Variants in IL23R observed in about 807,000 individuals in gnomAD.
The protein encoded by IL23R is interleukin 23 receptor.
Under a neutral mutation model 56.9 loss-of-function variants are expected in IL23R, and 34 were observed. The ratio of observed to expected loss-of-function variants is 0.60; its 90% confidence interval spans 0.45 to 0.80. The LOEUF is 0.80. Ranked by LOEUF, IL23R falls within the 30% of genes least tolerant of loss-of-function variation. The probability of loss-of-function intolerance (pLI) is 0.00; values close to 1 mark genes in which losing one functional copy is unlikely to be tolerated. For synonymous variants in IL23R, 230 were observed against 249.2 expected, an observed-to-expected ratio of 0.92 and a Z score of 0.73; for missense variants, 635 against 730.0, an observed-to-expected ratio of 0.87 and a Z score of 1.50.
At chr1:67,244,494 G>T (rs1203813721) in intron 9 of IL23R, among the ~76,000 whole-genome samples, 1 of 151,996 alleles carries the variant, frequency 6.6e-6, no homozygotes, top group Non-Finnish European at 1.5e-5. Context: ...TTTGTATAAG[G>T]TGCAAGGAAG....
At chr1:67,236,630 A>G in intron 7 of IL23R, 83 bp from the exon 8 acceptor site, 1 of 855,814 alleles carries the variant, frequency 1.2e-6, no homozygotes, top group Non-Finnish European at 2.0e-6. Context: ...GTCATCTCTA[A>G]ACAAGGGAAG....
chr1:67,164,458 C>T (rs1033428861), upstream of IL23R, among the ~76,000 whole-genome samples: 2 of 152,016 alleles, frequency 1.3e-5, no homozygotes, highest in African/African-American at 4.8e-5. Context: ...CATGGTGAAA[C>T]CCCGTCTCTA....
rs766266817 is a variant in IL23R at position 67,205,429 on chromosome 1, C to T, written c.653-1481C>T. Reference sequence around the variant, plus strand: ...GAATATTAACCTGTAATAGTGGTCTCTAAAACCACGCCTACAGGCCCTTGA... The same window carrying T: ...GAATATTAACCTGTAATAGTGGTCTTTAAAACCACGCCTACAGGCCCTTGA... On this transcript the variant is annotated intron_variant, in intron 5 of 10. Transcript: ENST00000347310. Among the ~76,000 whole-genome samples the T allele has an allele frequency of 7.2e-5, 11 of 152,284 alleles. No homozygotes were observed. The South Asian group carries it at 2.3e-3, about 32-fold the overall frequency.
chr1:67,148,233 A>G (rs1232859599), intron 1 of IL23R, among the ~76,000 whole-genome samples: 1 of 152,274 alleles, frequency 6.6e-6, no homozygotes, highest in Non-Finnish European at 1.5e-5. Context: ...GACAACGGCA[A>G]TCAGCAGTAG....
At chr1:67,252,239 C>T (rs1652672757) in intron 9 of IL23R, among the ~76,000 whole-genome samples, 1 of 151,766 alleles carries the variant, frequency 6.6e-6, no homozygotes, top group South Asian at 2.1e-4. Context: ...ATGATTTTTC[C>T]TACCTAAGTG....
chr1:67,227,944 T>TTCTTTCTTTC (rs1553294921), intron 7 of IL23R, among the ~76,000 whole-genome samples: 163 of 6,048 alleles, frequency 0.027, 44 homozygotes, highest in Admixed American at 0.046. Flanking sequence ...ACAAAGATCT[T>TTCTTTCTTTC]TCTTTCTTTC....
At chr1:67,237,414 G>T (rs1171260437) in intron 8 of IL23R, among the ~76,000 whole-genome samples, 1 of 152,122 alleles carries the variant, frequency 6.6e-6, no homozygotes, top group Non-Finnish European at 1.5e-5. Flanking sequence ...TACCTATCTT[G>T]TGCTAGGACT....
intron 6 of IL23R, among the ~76,000 whole-genome samples, chr1:67,217,883 A>C (rs1355174752): frequency 6.6e-6 from 1 of 151,720 alleles, no homozygotes; most frequent in African/African-American, 2.4e-5. Context: ...TCCCTGAATG[A>C]GGTTGATACC....
chr1:67,232,813 C>CCT (rs1651186108), intron 7 of IL23R, among the ~76,000 whole-genome samples: 1 of 152,088 alleles, frequency 6.6e-6, no homozygotes, highest in Non-Finnish European at 1.5e-5. Context: ...TTCCCATAAT[C>CCT]CCCATGAGTC....
At chr1:67,253,848 A>T (rs1474218914) in intron 9 of IL23R, among the ~76,000 whole-genome samples, 3 of 152,152 alleles carry the variant, frequency 2.0e-5, no homozygotes, top group Non-Finnish European at 4.4e-5. Flanking sequence ...TAGCCTAAAA[A>T]CTAATTTTCA....
At chr1:67,199,979 A>C (rs1648490508) in intron 4 of IL23R, among the ~76,000 whole-genome samples, 1 of 152,226 alleles carries the variant, frequency 6.6e-6, no homozygotes, top group African/African-American at 2.4e-5. Context: ...GTTTGAGACC[A>C]GCCTGAGCAA....
intron 7 of IL23R, among the ~76,000 whole-genome samples, chr1:67,228,010 CTTTCTTTCTTCCTTTCTTTCT>C (rs1650782960): frequency 4.4e-5 from 4 of 90,216 alleles, no homozygotes; most frequent in African/African-American, 1.8e-4. Flanking sequence ...TTCTTTCTTT[CTTTCTTTCTTCCTTTCTTTCT>C]TTTCTTTCTT....
intron 6 of IL23R, among the ~76,000 whole-genome samples, chr1:67,218,155 G>A (rs992081423): frequency 1.3e-5 from 2 of 151,984 alleles, no homozygotes; most frequent in South Asian, 2.1e-4. Context: ...ATAGCAGGGT[G>A]TAGTGCTCCA....
At chr1:67,219,544 C>T in intron 6 of IL23R, 30 bp from the exon 7 acceptor site, 5 of 1,603,056 alleles carry the variant, frequency 3.1e-6, no homozygotes, top group Non-Finnish European at 4.3e-6. Context: ...AAGCACACCA[C>T]ATTTTATTAT....
intron 9 of IL23R, among the ~76,000 whole-genome samples, chr1:67,253,801 G>A (rs145922105): frequency 2.0e-4 from 31 of 152,112 alleles, no homozygotes; most frequent in Admixed American, 1.8e-3. Flanking sequence ...ATGCCCTAGT[G>A]TAAAAGTTTA....
At chr1:67,175,741 T>G (rs144585349) in intron 3 of IL23R, among the ~76,000 whole-genome samples, 1 of 152,316 alleles carries the variant, frequency 6.6e-6, no homozygotes, top group African/African-American at 2.4e-5. Context: ...GTGGAAAATG[T>G]GCAAGAGAAG....
At chr1:67,206,548 G>A (rs1388965297) in intron 5 of IL23R, among the ~76,000 whole-genome samples, 1 of 152,146 alleles carries the variant, frequency 6.6e-6, no homozygotes, top group Non-Finnish European at 1.5e-5. Context: ...CGAACAGATG[G>A]AGGGAAGAGG....
chr1:67,155,802 A>T (rs759934601), intron 1 of IL23R, among the ~76,000 whole-genome samples: 11 of 152,148 alleles, frequency 7.2e-5, no homozygotes, highest in Non-Finnish European at 1.5e-4. Flanking sequence ...CAATTCGTCC[A>T]TCTCATGCTC....
intron 7 of IL23R, among the ~76,000 whole-genome samples, chr1:67,221,772 A>C (rs1650267779): frequency 6.6e-6 from 1 of 152,222 alleles, no homozygotes; most frequent in Non-Finnish European, 1.5e-5. Flanking sequence ...TTTTCAAGGC[A>C]CTTTGACATA....
Sources: allele counts gnomAD v4.1 joint callset (sites outside exome capture counted in the v4.1 genomes callset), GRCh38; gene constraint gnomAD v4.1.1; transcripts MANE v1.5; gene names NCBI Gene and HGNC (gene_info 2026-07-23, HGNC 2026-07-21).